KSR1: variants seen among roughly 807,000 people sequenced by gnomAD.
KSR1 encodes kinase suppressor of ras 1.
In KSR1, 35 loss-of-function variants were observed where a neutral mutation model predicts 92.9. That is an observed-to-expected ratio of 0.38 (90% CI 0.29 to 0.50). The LOEUF is 0.50. Ranked by LOEUF, KSR1 falls within the 20% of genes least tolerant of loss-of-function variation. KSR1 has a pLI of 0.94. For missense variants in KSR1, 972 were observed against 1,158.5 expected (o/e 0.84, Z 2.34); for synonymous variants, 467 against 472.6 (o/e 0.99, Z 0.15).
intron 18 of KSR1, among the ~76,000 whole-genome samples, chr17:27,614,866 T>G (rs1330129215): frequency 6.6e-6 from 1 of 152,174 alleles, no homozygotes; most frequent in Non-Finnish European, 1.5e-5. Flanking sequence ...CTTCCCTTTT[T>G]AACACATTGC....
chr17:27,550,625 G>A lies in KSR1; in HGVS notation c.289G>A (p.Gly97Ser), dbSNP rs747753098. Residue 97 changes from glycine to serine, a missense_variant, in exon 2 of 21, where the codon GGT becomes AGT. Physicochemically the swap from Gly to Ser is moderately conservative, Grantham distance 56. This residue lies in a region of KSR1 where 611 missense variants were observed against 668.0 expected (regional missense o/e 0.91). Coordinates refer to ENST00000644974, the MANE Select transcript of KSR1 (RefSeq NM_001394583.1). ...QRQCKLSVAP[G>S]ERTPELNSYP... ...GCAGTGCAAGCTGAGCGTGGCTCCC[G>A]GTGAGAGGACCCCAGAGCTCAACAG... 1.7e-5 allele frequency: 13 copies of A among 764,676 alleles called. No individual in the cohort carries two copies. The highest frequency in any genetic ancestry group is 2.6e-4 in the Middle Eastern group (1 of 3,892). 47.4% of individuals were successfully genotyped at this position (764,676 alleles called of 1,614,324 possible).
intron 1 of KSR1, among the ~76,000 whole-genome samples, chr17:27,487,163 G>A (rs1277719552): frequency 6.6e-6 from 1 of 152,198 alleles, no homozygotes. Flanking sequence ...GGCCGGGCGC[G>A]ATGGCTCACG....
At position 27,622,186 on chromosome 17, in the gene KSR1, G is replaced by A. The variant is rs917881690; in HGVS notation, c.2708+913G>A. ...ATCCCACTAACTGAGCTCCCTCCAA[G>A]GCAGTCTGGGCAGCTTCTAACTACC... On this transcript the variant is annotated intron_variant, in intron 20 of 20. Coordinates refer to ENST00000644974, the MANE Select transcript of KSR1 (RefSeq NM_001394583.1). 7.3e-6 allele frequency: 4 copies of A among 550,892 alleles called. No homozygotes were observed. In the African/African-American group the frequency reaches 7.6e-5, roughly 11 times the overall value. The allele number at this position is 550,892 out of a possible 1,614,324, so 34.1% of individuals were successfully genotyped here.
chr17:27,503,375 A>G (rs2069259091), intron 1 of KSR1, among the ~76,000 whole-genome samples: 1 of 152,216 alleles, frequency 6.6e-6, no homozygotes, highest in Non-Finnish European at 1.5e-5. Context: ...ACAAAGAATT[A>G]TCTGTCCCCA....
intron 1 of KSR1, among the ~76,000 whole-genome samples, chr17:27,487,252 T>C (rs987647976): frequency 2.0e-5 from 3 of 152,012 alleles, no homozygotes; most frequent in African/African-American, 7.2e-5. Flanking sequence ...CTGGCCAACA[T>C]GGTGAAACCC....
At chr17:27,579,093 G>A (rs1417494492) in intron 3 of KSR1, 1 of 152,244 alleles carries the variant, frequency 6.6e-6, no homozygotes, top group Non-Finnish European at 1.5e-5. Context: ...CTCAGCTTGT[G>A]GTGCCTCTGC....
At chr17:27,516,665 T>C (rs2069810523) in intron 1 of KSR1, among the ~76,000 whole-genome samples, 1 of 152,232 alleles carries the variant, frequency 6.6e-6, no homozygotes, top group Non-Finnish European at 1.5e-5. Flanking sequence ...AGAGAACTTT[T>C]CGAAGCTGAG....
intron 2 of KSR1, among the ~76,000 whole-genome samples, chr17:27,553,429 C>G (rs543481645): frequency 6.0e-4 from 91 of 152,318 alleles, no homozygotes; most frequent in African/African-American, 1.9e-3. Flanking sequence ...GAGCTTAGGA[C>G]AGAGAGGGCG....
At chr17:27,583,139 C>T (rs1320267623) in intron 4 of KSR1, 34 bp downstream of exon 4, 1 of 1,397,146 alleles carries the variant, frequency 7.2e-7, no homozygotes, top group Non-Finnish European at 9.6e-7. Flanking sequence ...ACCAAAAGTG[C>T]CCTCTGTGGT....
intron 1 of KSR1, among the ~76,000 whole-genome samples, chr17:27,515,636 T>G (rs1055430735): frequency 1.3e-5 from 2 of 151,404 alleles, no homozygotes; most frequent in East Asian, 1.9e-4. Context: ...TTTTTTTCAT[T>G]TATTCCATTA....
intron 1 of KSR1, among the ~76,000 whole-genome samples, chr17:27,513,171 C>T (rs1223520082): frequency 2.0e-5 from 3 of 152,132 alleles, no homozygotes; most frequent in African/African-American, 7.2e-5. Context: ...TGTGCATTTT[C>T]GTTGCATGTA....
intron 1 of KSR1, among the ~76,000 whole-genome samples, chr17:27,532,327 T>C (rs1438695157): frequency 1.3e-5 from 2 of 152,146 alleles, no homozygotes; most frequent in Non-Finnish European, 2.9e-5. Flanking sequence ...CCTGGAGGGT[T>C]ATGGTAGCTG....
intron 1 of KSR1, among the ~76,000 whole-genome samples, chr17:27,476,621 G>A (rs1254102081): frequency 1.3e-5 from 2 of 152,198 alleles, no homozygotes; most frequent in Admixed American, 1.3e-4. Context: ...GGAAGCCCAT[G>A]GTTGACTCAG....
chr17:27,522,298 G>C (rs111243841), intron 1 of KSR1, among the ~76,000 whole-genome samples: 152 of 152,288 alleles, frequency 1.0e-3, no homozygotes, highest in Non-Finnish European at 1.8e-3. Context: ...TTGATCCTAG[G>C]AATACTGGCT....
chr17:27,469,907 C>T (rs944450230), intron 1 of KSR1, among the ~76,000 whole-genome samples: 1 of 151,834 alleles, frequency 6.6e-6, no homozygotes, highest in African/African-American at 2.4e-5. Context: ...TTTATATAGG[C>T]GCTTTATTTT....
intron 1 of KSR1, among the ~76,000 whole-genome samples, chr17:27,546,540 A>G (rs1032696966): frequency 6.6e-6 from 1 of 152,180 alleles, no homozygotes; most frequent in African/African-American, 2.4e-5. Context: ...CAGGGCTCTG[A>G]AAGAGTCACA....
intron 1 of KSR1, among the ~76,000 whole-genome samples, chr17:27,500,793 C>T (rs1346146918): frequency 1.3e-5 from 2 of 152,058 alleles, no homozygotes; most frequent in Non-Finnish European, 2.9e-5. Context: ...GGATTGGGGC[C>T]CTCTGCGAGT....
rs778179658 is a variant in KSR1 at position 27,605,665 on chromosome 17, A to G, written c.1846A>G (p.Ile616Val). 6 of 1,612,312 alleles carry G rather than the reference A, an allele frequency of 3.7e-6. No individual in the cohort carries two copies. The African/African-American group carries it at 6.7e-5, about 18-fold the overall frequency. Residue 616 changes from isoleucine (I) to valine (V), a missense_variant, in exon 14 of 21, where the codon ATT becomes GTT. This residue lies in a region of KSR1 where 260 missense variants were observed against 375.2 expected (regional missense o/e 0.69). Coordinates refer to ENST00000644974, the MANE Select transcript of KSR1 (RefSeq NM_001394583.1). ...HRGRWHGEVA[I>V]RLLEMDGHNQ... ...CGGCCGCTGGCATGGCGAGGTGGCCATTCGCCTGCTGGAGATGGACGGCCA... is the reference window on the plus strand; with the variant it reads ...CGGCCGCTGGCATGGCGAGGTGGCCGTTCGCCTGCTGGAGATGGACGGCCA...
chr17:27,489,185 G>A (rs968021644), intron 1 of KSR1, among the ~76,000 whole-genome samples: 20 of 152,256 alleles, frequency 1.3e-4, no homozygotes, highest in African/African-American at 4.3e-4. Flanking sequence ...GCCCGTGGGA[G>A]AGTGTAGGAT....
Sources: allele counts gnomAD v4.1 joint callset (sites outside exome capture counted in the v4.1 genomes callset), GRCh38; gene constraint gnomAD v4.1.1; regional missense constraint gnomAD v4.1.1; transcripts MANE v1.5; gene names NCBI Gene and HGNC (gene_info 2026-07-23, HGNC 2026-07-21).